Variants in UTRN observed in about 807,000 individuals in gnomAD.
UTRN encodes dystrophin-related protein 1.
In UTRN, 283 loss-of-function variants were observed where a neutral mutation model predicts 463.9. The ratio of observed to expected loss-of-function variants is 0.61; its 90% CI spans 0.55 to 0.67. UTRN has a LOEUF of 0.67. UTRN is among the 30% of genes least tolerant of loss of function. UTRN has a pLI of 0.00. For missense variants in UTRN, 3,922 were observed against 4,084.3 expected, an observed-to-expected ratio of 0.96 and a Z score of 1.08; for synonymous variants, 1,442 against 1,431.5, an observed-to-expected ratio of 1.01 and a Z score of -0.17.
intron 51 of UTRN, among the ~76,000 whole-genome samples, chr6:144,601,674 A>G (rs1804266748): frequency 6.6e-6 from 1 of 152,242 alleles, no homozygotes; most frequent in Non-Finnish European, 1.5e-5. Flanking sequence ...TTAGAATACT[A>G]CACAAACTTA....
At chr6:144,398,388 A>T in intron 2 of UTRN, 2 of 377,350 alleles carry the variant, frequency 5.3e-6, no homozygotes, top group South Asian at 5.0e-5. Flanking sequence ...TTCACTGGGC[A>T]TCTGGCTGGG....
chr6:144,447,460 C>A, intron 15 of UTRN, 142 bp downstream of exon 15: 1 of 1,262,218 alleles, frequency 7.9e-7, no homozygotes, highest in South Asian at 1.4e-5. Flanking sequence ...AATCTGGAAC[C>A]ACGAGTCTTA....
At chr6:144,391,950 C>G (rs1398482456) in intron 2 of UTRN, among the ~76,000 whole-genome samples, 1 of 152,196 alleles carries the variant, frequency 6.6e-6, no homozygotes, top group Non-Finnish European at 1.5e-5. Flanking sequence ...GCTCTGTGTC[C>G]TTTTGAAGGT....
chr6:144,813,784 C>T (rs1778839554), intron 65 of UTRN, among the ~76,000 whole-genome samples: 1 of 152,194 alleles, frequency 6.6e-6, no homozygotes, highest in African/African-American at 2.4e-5. Context: ...GGAAAGCTGG[C>T]TTGAGAGCAG....
At chr6:144,822,339 G>A (rs1377892120) in intron 66 of UTRN, among the ~76,000 whole-genome samples, 3 of 151,996 alleles carry the variant, frequency 2.0e-5, no homozygotes, top group Non-Finnish European at 4.4e-5. Context: ...CCCTCTATAG[G>A]TAATGTCGTG....
chr6:144,535,342 A>G (rs952528727), intron 43 of UTRN, among the ~76,000 whole-genome samples: 14 of 152,176 alleles, frequency 9.2e-5, no homozygotes, highest in Admixed American at 9.2e-4. Flanking sequence ...TTGGCCTCTC[A>G]AAGTTCTGGA....
At chr6:144,621,864 C>G (rs1283196326) in intron 51 of UTRN, among the ~76,000 whole-genome samples, 2 of 152,096 alleles carry the variant, frequency 1.3e-5, no homozygotes, top group Non-Finnish European at 2.9e-5. Context: ...TACGCCTTCT[C>G]TTTTTTCTCC....
In UTRN at chr6:144,482,382, G is replaced by A. The variant is rs545456353; in HGVS notation, c.3681G>A (p.Thr1227=). ...ATAGAATTCGAGGAAAGTGCCACAC[G>A]CTAGAGGTATGCTATTATTATTATT... The part of the protein sequence containing the change: ...LCNRIRGKCH[T]LEEVWSCWIE... Residue 1227 remains threonine (T), a synonymous_variant, in exon 27 of 75, where the codon ACG becomes ACA. Transcript: ENST00000367545. 2.4e-5 allele frequency: 38 copies of A among 1,555,826 alleles called. 1 individual carries two copies. Among genetic ancestry groups the A allele is most frequent in the African/African-American group, 1.8e-4 (13 of 71,216 alleles).
intron 3 of UTRN, among the ~76,000 whole-genome samples, chr6:144,413,444 T>C (rs1784091888): frequency 6.6e-6 from 1 of 152,114 alleles, no homozygotes; most frequent in Non-Finnish European, 1.5e-5. Flanking sequence ...AGTCACGTCT[T>C]GCATGGCGTC....
chr6:144,492,255 A>G (rs775557518), intron 32 of UTRN, among the ~76,000 whole-genome samples: 6 of 152,262 alleles, frequency 3.9e-5, no homozygotes, highest in Non-Finnish European at 7.3e-5. Context: ...ACTCCCACTT[A>G]TAAGTGAGAA....
intron 12 of UTRN, 82 bp from the exon 13 acceptor site, chr6:144,440,270 A>T: frequency 6.9e-7 from 1 of 1,446,128 alleles, no homozygotes; most frequent in Non-Finnish European, 9.6e-7. Flanking sequence ...AACTGTCCTT[A>T]ATTACTATTG....
chr6:144,347,850 G>GTTTTTTTTTTTTTTTTTTTTTTT (rs1340536493), intron 2 of UTRN, among the ~76,000 whole-genome samples: 1 of 128,600 alleles, frequency 7.8e-6, no homozygotes, highest in African/African-American at 3.4e-5. Context: ...TTTTTTTTTT[G>GTTTTTTTTTTTTTTTTTTTTTTT]TTTTTTTTTT....
chr6:144,647,621 T>G (rs1404693994), intron 51 of UTRN, among the ~76,000 whole-genome samples: 1 of 152,266 alleles, frequency 6.6e-6, no homozygotes, highest in Non-Finnish European at 1.5e-5. Flanking sequence ...AGCTTTGCGG[T>G]CTAGGGGAAT....
At chr6:144,406,356 C>CTTTTTTTTTTTTT (rs57721924) in intron 3 of UTRN, among the ~76,000 whole-genome samples, 6 of 125,582 alleles carry the variant, frequency 4.8e-5, no homozygotes, top group African/African-American at 2.0e-4. Flanking sequence ...TTTTTCTTTT[C>CTTTTTTTTTTTTT]TTTTTTTTTT....
intron 2 of UTRN, among the ~76,000 whole-genome samples, chr6:144,384,237 T>A (rs994565959): frequency 1.3e-5 from 2 of 152,124 alleles, no homozygotes; most frequent in Non-Finnish European, 2.9e-5. Context: ...TCGCTACTAG[T>A]CTGTTGCCTG....
At chr6:144,482,164 G>T in intron 26 of UTRN, 45 bp from the exon 27 acceptor site, 2 of 1,370,654 alleles carry the variant, frequency 1.5e-6, no homozygotes, top group South Asian at 4.3e-5. Flanking sequence ...TGGTTACTGA[G>T]AAAGGGAGAC....
intron 9 of UTRN, among the ~76,000 whole-genome samples, chr6:144,430,674 A>G (rs115050772): frequency 0.011 from 1,713 of 152,280 alleles, 34 homozygotes; most frequent in African/African-American, 0.039. Flanking sequence ...AATGACATTA[A>G]TAAACACTCA....
At chr6:144,447,549 G>C in intron 15 of UTRN, 53 bp from the exon 16 acceptor site, 1 of 1,591,362 alleles carries the variant, frequency 6.3e-7, no homozygotes, top group Non-Finnish European at 8.5e-7. Context: ...CTGGGGAACA[G>C]AAAGACAAAG....
rs368651787 is a variant in UTRN, at chr6:144,451,613, G to T, written c.2196+120G>T. On this transcript the variant is annotated intron_variant, in intron 18 of 74. Transcript: ENST00000367545. ...TCCTGTAAAATAAATGTAGGCAGAA[G>T]GTAGCTTTTAGTACATTGTAGTGAA... The T allele has an allele frequency of 4.1e-5, 51 of 1,251,202 alleles. No individual in the cohort carries two copies. In the East Asian group the frequency reaches 1.2e-3, roughly 29 times the overall value. 77.5% of individuals were successfully genotyped at this position (1,251,202 alleles called of 1,614,324 possible).
Sources: gnomAD v4.1 joint callset for allele counts (sites outside exome capture counted in the v4.1 genomes callset) on GRCh38, gnomAD v4.1.1 for gene constraint, MANE v1.5 for transcripts, NCBI Gene and HGNC (gene_info 2026-07-23, HGNC 2026-07-21) for gene names.